Variants in MACROD2 observed in about 807,000 individuals in gnomAD.
MACROD2 encodes ADP-ribose glycohydrolase MACROD2.
Under a neutral mutation model 70.4 loss-of-function variants are expected in MACROD2, and 36 were observed. The ratio of observed to expected loss-of-function variants is 0.51; its 90% CI spans 0.39 to 0.68. The LOEUF is 0.68. Among genes scored for constraint, MACROD2 ranks in the 30% least tolerant of loss-of-function variants. The pLI, the probability that MACROD2 is intolerant of heterozygous loss-of-function variation, is 0.00. For missense variants in MACROD2, 496 were observed against 538.4 expected (o/e 0.92, Z 0.78); for synonymous variants, 172 against 178.8 (o/e 0.96, Z 0.30).
intron 6 of MACROD2, among the ~76,000 whole-genome samples, chr20:15,302,392 A>ACATG (rs2077655829): frequency 6.6e-6 from 1 of 152,134 alleles, no homozygotes; most frequent in Non-Finnish European, 1.5e-5. Flanking sequence ...ATACACACAT[A>ACATG]CAGATGTGTA....
chr20:14,519,968 A>G (rs2085146641), intron 4 of MACROD2, among the ~76,000 whole-genome samples: 1 of 152,136 alleles, frequency 6.6e-6, no homozygotes. Flanking sequence ...CAGGAACAGA[A>G]AACCGAATAC....
chr20:14,888,409 G>A (rs2073708396), intron 5 of MACROD2: 1 of 152,252 alleles, frequency 6.6e-6, no homozygotes, highest in African/African-American at 2.4e-5. Flanking sequence ...TGCTGCTTCA[G>A]ATCCAGAAAG....
chr20:15,052,659 G>A (rs913401566), intron 5 of MACROD2, among the ~76,000 whole-genome samples: 21 of 152,088 alleles, frequency 1.4e-4, no homozygotes, highest in African/African-American at 2.9e-4. Context: ...TGGAGCCTCC[G>A]TATTCCCTGA....
intron 5 of MACROD2, among the ~76,000 whole-genome samples, chr20:14,966,105 A>G (rs919989565): frequency 3.9e-5 from 6 of 152,286 alleles, no homozygotes; most frequent in Middle Eastern, 3.4e-3. Context: ...TCCTGAAGAC[A>G]TTTCTCTTTT....
chr20:14,993,804 G>T (rs2074926570), intron 5 of MACROD2, among the ~76,000 whole-genome samples: 1 of 152,160 alleles, frequency 6.6e-6, no homozygotes, highest in Admixed American at 6.5e-5. Flanking sequence ...TGAAAGAGAA[G>T]TTGAATACAC....
chr20:14,618,470 C>A (rs759667336), intron 4 of MACROD2, among the ~76,000 whole-genome samples: 1 of 152,036 alleles, frequency 6.6e-6, no homozygotes, highest in African/African-American at 2.4e-5. Flanking sequence ...GAGGATTACC[C>A]GAGTTAACTT....
chr20:15,745,253 C>T (rs1359136290), intron 8 of MACROD2, among the ~76,000 whole-genome samples: 1 of 152,140 alleles, frequency 6.6e-6, no homozygotes, highest in Non-Finnish European at 1.5e-5. Context: ...GACACATACA[C>T]AGAACTGGAA....
intron 5 of MACROD2, among the ~76,000 whole-genome samples, chr20:14,969,336 A>C (rs1029253569): frequency 6.7e-6 from 1 of 149,946 alleles, no homozygotes; most frequent in Non-Finnish European, 1.5e-5. Context: ...AAAGTAAAGC[A>C]ATTTAAAAGC....
At chr20:15,905,813 G>A (rs545380586) in intron 10 of MACROD2, among the ~76,000 whole-genome samples, 13 of 152,204 alleles carry the variant, frequency 8.5e-5, no homozygotes, top group Admixed American at 2.6e-4. Flanking sequence ...CTGGATTCAC[G>A]CCACACTCTC....
intron 5 of MACROD2, among the ~76,000 whole-genome samples, chr20:14,725,140 G>A (rs1374408019): frequency 6.6e-6 from 1 of 152,096 alleles, no homozygotes; most frequent in African/African-American, 2.4e-5. Flanking sequence ...AGCAACTGAT[G>A]GATGACAACA....
At position 15,553,726 on chromosome 20, in the gene MACROD2, G is replaced by A. The variant is rs969269243; in HGVS notation, c.645+53879G>A. Among the ~76,000 whole-genome samples the A allele has an allele frequency of 7.2e-5, 11 of 152,254 alleles. No homozygotes were observed. The East Asian group carries it at 1.2e-3, about 16-fold the overall frequency. On this transcript the variant is annotated intron_variant, in intron 8 of 17. Transcript: ENST00000684519. ...TGCTGGGCACATTGTGGACGTGCCC[G>A]GCCACCTTGGGTATTTTGGAAGTAT... is the stretch of plus-strand genomic sequence containing the variant.
In MACROD2 at chr20:15,413,929, A is replaced by C. The variant is rs531705519; in HGVS notation, c.541-17476A>C. ...CCAATTGACTTCCTCACCAGGTAGCATGCCCATGCTATTATATATGTATAT... is the reference window on the plus strand; with the variant it reads ...CCAATTGACTTCCTCACCAGGTAGCCTGCCCATGCTATTATATATGTATAT... On this transcript the variant is annotated intron_variant, in intron 6 of 17. Transcript: ENST00000684519. Among the ~76,000 whole-genome samples, 3 of 152,322 alleles carry C rather than the reference A, an allele frequency of 2.0e-5. No individual in the cohort carries two copies. In the East Asian group the frequency reaches 5.8e-4, roughly 29 times the overall value.
intron 6 of MACROD2, among the ~76,000 whole-genome samples, chr20:15,423,083 A>T (rs966638270): frequency 2.2e-5 from 3 of 134,440 alleles, no homozygotes; most frequent in African/African-American, 8.4e-5. Flanking sequence ...GATTATAATA[A>T]CTTATAGTTT....
intron 6 of MACROD2, among the ~76,000 whole-genome samples, chr20:15,267,127 C>T (rs1013187638): frequency 1.3e-5 from 2 of 152,180 alleles, no homozygotes; most frequent in African/African-American, 4.8e-5. Context: ...ACGTCCTTCA[C>T]GATCCCTTAA....
chr20:15,184,829 G>C (rs1414559949), intron 5 of MACROD2, among the ~76,000 whole-genome samples: 1 of 152,128 alleles, frequency 6.6e-6, no homozygotes. Flanking sequence ...TTAGAAATAC[G>C]CTTGCCCTTC....
intron 7 of MACROD2, among the ~76,000 whole-genome samples, chr20:15,434,378 C>T (rs562391985): frequency 7.9e-5 from 12 of 151,532 alleles, no homozygotes; most frequent in African/African-American, 2.9e-4. Flanking sequence ...AGACAATTCT[C>T]AAAAGAAGAT....
At chr20:14,286,431 TTCTC>T (rs2082345552) in intron 3 of MACROD2, among the ~76,000 whole-genome samples, 1 of 152,292 alleles carries the variant, frequency 6.6e-6, no homozygotes, top group Admixed American at 6.5e-5. Context: ...TCTACTCATA[TTCTC>T]TCTAAGATTC....
chr20:15,474,625 C>A (rs1463820170), intron 7 of MACROD2, among the ~76,000 whole-genome samples: 1 of 152,156 alleles, frequency 6.6e-6, no homozygotes, highest in Non-Finnish European at 1.5e-5. Context: ...AGGGTGCCTG[C>A]CAGCATACAC....
chr20:16,051,587 G>A lies in MACROD2; in HGVS notation c.*1711G>A, dbSNP rs886954968. 6.6e-6 allele frequency: 1 copy of A among 152,130 alleles called. No homozygotes were observed. The highest frequency in any genetic ancestry group is 6.5e-5 in the Admixed American group (1 of 15,268). The allele number at this position is 152,130 out of a possible 1,614,324, so 9.4% of individuals were successfully genotyped here. ...TCTGTTGCTATTCCAGTTTGATATGGAAGCATCTATATCCTCTATTGCCGT... is the reference window on the plus strand; with the variant it reads ...TCTGTTGCTATTCCAGTTTGATATGAAAGCATCTATATCCTCTATTGCCGT... On this transcript the variant is annotated 3_prime_UTR_variant, in exon 18 of 18. Transcript: ENST00000684519.
Sources: gnomAD v4.1 joint callset for allele counts (sites outside exome capture counted in the v4.1 genomes callset) on GRCh38, gnomAD v4.1.1 for gene constraint, MANE v1.5 for transcripts, NCBI Gene and HGNC (gene_info 2026-07-23, HGNC 2026-07-21) for gene names.